The following MAPK8IP2 variants were observed in gnomAD, a reference collection of about 807,000 sequenced individuals.
The protein encoded by MAPK8IP2 is mitogen-activated protein kinase 8 interacting protein 2, also known as C-Jun-amino-terminal kinase-interacting protein 2.
In MAPK8IP2, 15 loss-of-function variants were observed where a neutral mutation model predicts 75.6. The ratio of observed to expected loss-of-function variants is 0.20; its 90% CI spans 0.13 to 0.31. The LOEUF (loss-of-function observed/expected upper bound fraction) is 0.31. Among genes scored for constraint, MAPK8IP2 ranks in the 10% least tolerant of loss-of-function variants. MAPK8IP2 has a pLI of 1.00. For missense variants in MAPK8IP2, 1,089 were observed against 1,211.2 expected, an observed-to-expected ratio of 0.90 and a Z score of 1.50; for synonymous variants, 632 against 554.5, an observed-to-expected ratio of 1.14 and a Z score of -1.96.
chr22:50,604,979 G>C lies in MAPK8IP2; in HGVS notation c.1680G>C (p.Ser560=), dbSNP rs933922163. Reference sequence around the variant, plus strand: ...CGCTGCTAGGCGGCGGTCAGGTCTCGGGGGACACCTCGCCGGACAGCCCTG... The same window carrying C: ...CGCTGCTAGGCGGCGGTCAGGTCTCCGGGGACACCTCGCCGGACAGCCCTG... The part of the protein sequence containing the change: ...GAALLGGGQV[S]GDTSPDSPDL... The change falls in exon 5 of 12, where the codon TCG becomes TCC. Residue 560 remains serine (S), a synonymous_variant. Transcript: ENST00000329492. The C allele has an allele frequency of 2.5e-6, 4 of 1,612,222 alleles. No individual in the cohort carries two copies. The African/African-American group carries it at 5.3e-5, about 22-fold the overall frequency.
At chr22:50,605,245 G>T (rs1017368110) in intron 5 of MAPK8IP2, 123 bp from the exon 6 acceptor site, 1 of 1,137,400 alleles carries the variant, frequency 8.8e-7, no homozygotes, top group Non-Finnish European at 1.3e-6. Flanking sequence ...GCTCCTTCCC[G>T]CTCGTAGGAC....
rs181590967 is a variant in MAPK8IP2 at position 50,606,041 on chromosome 22, C to A, written c.2124+107C>A. On this transcript the variant is annotated intron_variant, in intron 8 of 11. Coordinates refer to ENST00000329492, the MANE Select transcript of MAPK8IP2 (RefSeq NM_012324.6). ...GGCTCCAAGGTCTGAGGTCTGATTT[C>A]CTCCAGGGAGGGTCTGGGGGATGCT... The A allele has an allele frequency of 6.5e-4, 616 of 948,464 alleles. 3 individuals carry two copies. In the African/African-American group the frequency reaches 9.5e-3, roughly 15 times the overall value. 58.8% of individuals were successfully genotyped at this position (948,464 alleles called of 1,614,324 possible).
In MAPK8IP2 at chr22:50,607,863, G is replaced by A. The variant is rs1464431730; in HGVS notation, c.2303+872G>A. 6.6e-6 allele frequency among the ~76,000 whole-genome samples: 1 copy of A among 152,112 alleles called. No individual in the cohort carries two copies. Among genetic ancestry groups the A allele is most frequent in the East Asian group, 1.9e-4 (1 of 5,184 alleles). On this transcript the variant is annotated intron_variant, in intron 10 of 11. Coordinates refer to ENST00000329492, the MANE Select transcript of MAPK8IP2 (RefSeq NM_012324.6). The surrounding 1 kb of genome is among the most constrained non-coding windows in gnomAD (Gnocchi z 5.6). ...GGAATGGCCAGGCAGGGTGAGGGGA[G>A]GAGGGGAGGAGGAGGTGCTGGCATA...
Position 50,603,727 on chromosome 22 carries a change from G to A in MAPK8IP2, c.541+8G>A, listed in dbSNP as rs757817711. 7.0e-6 allele frequency: 11 copies of A among 1,561,388 alleles called. No individual in the cohort carries two copies. The Admixed American group carries it at 1.1e-4, about 16-fold the overall frequency. ...CCCCGGAGGCCCTCAGAGGTGAGGG[G>A]TGGTGGGCCCGCGGGGCGCGGGGAA... On this transcript the variant is annotated splice_region_variant and intron_variant, in intron 4 of 11. Transcript: ENST00000329492.
chr22:50,608,484 G>C (rs1373540356), intron 10 of MAPK8IP2, among the ~76,000 whole-genome samples: 9 of 133,460 alleles, frequency 6.7e-5, no homozygotes, highest in African/African-American at 2.5e-4. Context: ...GGGTGGAGAG[G>C]TGGGACAGCG....
chr22:50,603,659 G>A lies in MAPK8IP2; in HGVS notation c.481G>A (p.Val161Met). Residue 161 changes from valine to methionine, a missense_variant, in exon 4 of 12, where the codon GTG (valine) becomes ATG (methionine). Val to Met is a conservative substitution (Grantham distance 21). Around this residue, in one of 2 missense-constraint regions of MAPK8IP2, gnomAD observed 960 missense variants for 1,009.6 expected, o/e 0.95. Coordinates refer to ENST00000329492, the MANE Select transcript of MAPK8IP2 (RefSeq NM_012324.6). ...AAACAACAACGGAGGCTTTGACCTG[G>A]TGCGTCCGGCCTCCTGGCAGGAGAC... Reference protein sequence around the residue: ...SLNNNGGFDLVRPASWQETAL... With the variant: ...SLNNNGGFDLMRPASWQETAL... 1 of 1,592,902 alleles carries A rather than the reference G, an allele frequency of 6.3e-7. No homozygotes were observed. The highest frequency in any genetic ancestry group is 2.3e-5 in the East Asian group (1 of 43,702).
Position 50,603,378 on chromosome 22 carries a change from G to T in MAPK8IP2, c.327G>T (p.Gln109His). Residue 109 changes from glutamine (Q) to histidine (H), a missense_variant, in exon 3 of 12, where the codon CAG becomes CAT. Around this residue, in one of 2 missense-constraint regions of MAPK8IP2, gnomAD observed 960 missense variants for 1,009.6 expected, o/e 0.95. Coordinates refer to ENST00000329492, the MANE Select transcript of MAPK8IP2 (RefSeq NM_012324.6). ...AGGAGGAGGGAGATGGGGAAGGCCA[G>T]GAGGGAGGAGACCCTGGCTCAGAGG... ...EEEEEGDGEG[Q>H]EGGDPGSEAP... 1 of 1,555,850 alleles carries T rather than the reference G, an allele frequency of 6.4e-7. No individual in the cohort carries two copies. Among genetic ancestry groups the T allele is most frequent in the Non-Finnish European group, 8.7e-7 (1 of 1,152,268 alleles).
chr22:50,612,432 G>A lies in MAPK8IP2; in HGVS notation c.*1653G>A, dbSNP rs553118998. 1.3e-5 allele frequency: 2 copies of A among 152,260 alleles called. No individual in the cohort carries two copies. Among genetic ancestry groups the A allele is most frequent in the South Asian group, 4.1e-4 (2 of 4,828 alleles). 9.4% of individuals were successfully genotyped at this position (152,260 alleles called of 1,614,324 possible). On this transcript the variant is annotated 3_prime_UTR_variant, in exon 12 of 12. Transcript: ENST00000329492. ...AGTTGAAGGTTCCTTAGTGAGCTAA[G>A]GGAAGTATACACAAACTTACTACAT... is the stretch of plus-strand genomic sequence containing the variant.
At chr22:50,602,001 C>G in intron 2 of MAPK8IP2, 107 bp downstream of exon 2, 1 of 849,150 alleles carries the variant, frequency 1.2e-6, no homozygotes, top group Non-Finnish European at 1.9e-6. Context: ...AGCCTTGAAC[C>G]GGGGACTCCT....
rs371965742 is a variant in MAPK8IP2, at chr22:50,608,773, C to T, written c.2304-1439C>T. Among the ~76,000 whole-genome samples the T allele has an allele frequency of 2.2e-3, 285 of 128,334 alleles. 11 individuals are homozygous for T. Among genetic ancestry groups the T allele is most frequent in the African/African-American group, 8.1e-3 (266 of 32,986 alleles). The allele number at this position is 128,334 out of a possible 152,430, so 84.2% of individuals were successfully genotyped here. A position where few individuals can be genotyped will look rare whatever the true frequency, so the allele number is the denominator to read the frequency against. ...GCTCTGGGGTCACCGGGACAGCGGA[C>T]GGGGCGCAGACCAGACGGTGGGGCC... On this transcript the variant is annotated intron_variant, in intron 10 of 11. Coordinates refer to ENST00000329492, the MANE Select transcript of MAPK8IP2 (RefSeq NM_012324.6).
rs9616795 is a variant in MAPK8IP2, at chr22:50,604,433, C to G, written c.1134C>G (p.Arg378=). 0.036 allele frequency: 52,139 copies of G among 1,441,730 alleles called. 1,095 individuals are homozygous for G. The highest frequency in any genetic ancestry group is 0.039 in the Non-Finnish European group (43,304 of 1,100,048). The allele number at this position is 1,441,730 out of a possible 1,614,324, so 89.3% of individuals were successfully genotyped here. A position where few individuals can be genotyped will look rare whatever the true frequency, so the allele number is the denominator to read the frequency against. Residue 378 remains arginine, a synonymous_variant, in exon 5 of 12, where the codon CGC becomes CGG. Coordinates refer to ENST00000329492, the MANE Select transcript of MAPK8IP2 (RefSeq NM_012324.6). ...GCCAGTGCCTGTCTCCTGCGCCGCGCCCGCCCGGGGAGCCCGTGTCGCCGG... is the reference window on the plus strand; with the variant it reads ...GCCAGTGCCTGTCTCCTGCGCCGCGGCCGCCCGGGGAGCCCGTGTCGCCGG... ...CPGQCLSPAP[R]PPGEPVSPAG...
intron 10 of MAPK8IP2, among the ~76,000 whole-genome samples, chr22:50,609,244 A>G (rs2071105029): frequency 6.6e-6 from 1 of 152,134 alleles, no homozygotes; most frequent in Non-Finnish European, 1.5e-5. Context: ...TGTTGGGATC[A>G]CAGACTGTAG....
intron 1 of MAPK8IP2, 62 bp downstream of exon 1, chr22:50,600,945 G>A (rs2070925269): frequency 3.8e-6 from 2 of 521,668 alleles, no homozygotes; most frequent in African/African-American, 3.8e-5. Flanking sequence ...CCCCGACCCC[G>A]ACCCGGCCCG....
At position 50,612,193 on chromosome 22, in the gene MAPK8IP2, A is replaced by G. The variant is rs1451691772; in HGVS notation, c.*1414A>G. 1 of 152,118 alleles carries G rather than the reference A, an allele frequency of 6.6e-6. No individual in the cohort carries two copies. 9.4% of individuals were successfully genotyped at this position (152,118 alleles called of 1,614,324 possible). A position where few individuals can be genotyped will look rare whatever the true frequency, so the allele number is the denominator to read the frequency against. ...TCTCAGAAAAAGGAAAAGAAAAACAATCTACTTAGATCTTAAAATGGATAT... is the reference window on the plus strand; with the variant it reads ...TCTCAGAAAAAGGAAAAGAAAAACAGTCTACTTAGATCTTAAAATGGATAT... On this transcript the variant is annotated 3_prime_UTR_variant, in exon 12 of 12. Transcript: ENST00000329492.
chr22:50,600,861 T>C lies in MAPK8IP2; in HGVS notation c.43T>C (p.Ser15Pro). ...AEMFSLSTFH[S>P]LSPPGCRPPQ... ...GATGTTTTCTCTCTCCACCTTCCACTCGCTGTCGCCGCCGGGCTGCAGGTA... is the reference window on the plus strand; with the variant it reads ...GATGTTTTCTCTCTCCACCTTCCACCCGCTGTCGCCGCCGGGCTGCAGGTA... Residue 15 changes from serine to proline, a missense_variant, in exon 1 of 12, where the codon TCG (serine) becomes CCG (proline). Physicochemically the swap from Ser to Pro is moderately conservative, Grantham distance 74. Transcript: ENST00000329492. The C allele has an allele frequency of 7.7e-7, 1 of 1,296,010 alleles. No homozygotes were observed. The highest frequency in any genetic ancestry group is 1.0e-6 in the Non-Finnish European group (1 of 995,392). 80.3% of individuals were successfully genotyped at this position (1,296,010 alleles called of 1,614,324 possible).
In MAPK8IP2 at chr22:50,610,982, C is replaced by T. The variant is rs1407745068; in HGVS notation, c.*203C>T. 1.8e-6 allele frequency: 1 copy of T among 551,418 alleles called. No individual in the cohort carries two copies. Among genetic ancestry groups the T allele is most frequent in the Admixed American group, 3.2e-5 (1 of 30,812 alleles). 34.2% of individuals were successfully genotyped at this position (551,418 alleles called of 1,614,324 possible). Reference sequence around the variant, plus strand: ...GCTGCGGGGGAGTGGAGCCCCCGTGCCCCTGCTTTTCCTCAGATCCGTTCT... The same window carrying T: ...GCTGCGGGGGAGTGGAGCCCCCGTGTCCCTGCTTTTCCTCAGATCCGTTCT... On this transcript the variant is annotated 3_prime_UTR_variant, in exon 12 of 12. Transcript: ENST00000329492. The surrounding 1 kb of genome is among the most constrained non-coding windows in gnomAD (Gnocchi z 4.3).
rs771360359 is a variant in MAPK8IP2 at position 50,603,557 on chromosome 22, G to A, written c.447+59G>A. On this transcript the variant is annotated intron_variant, in intron 3 of 11. Coordinates refer to ENST00000329492, the MANE Select transcript of MAPK8IP2 (RefSeq NM_012324.6). ...AGCCTGGGTTCATAGCACCTGGGCT[G>A]CAGCCAGCCCTGCTCACCCCCTGGG... 2.9e-5 allele frequency: 46 copies of A among 1,577,292 alleles called. 2 individuals carry two copies. In the South Asian group the frequency reaches 5.3e-4, roughly 18 times the overall value.
chr22:50,605,575 C>T lies in MAPK8IP2; in HGVS notation c.1855C>T (p.His619Tyr). 6.3e-7 allele frequency: 1 copy of T among 1,583,998 alleles called. No individual in the cohort carries two copies. Among genetic ancestry groups the T allele is most frequent in the Non-Finnish European group, 8.6e-7 (1 of 1,164,296 alleles). Reference protein sequence around the residue: ...HRAVFRFIPRHPDELELDVDD... With the variant: ...HRAVFRFIPRYPDELELDVDD... ...CCCCAACGGCAGGTTCATCCCGCGG[C>T]ATCCAGACGAGCTGGAGCTGGATGT... The change falls in exon 7 of 12, where the codon CAT becomes TAT. Residue 619 changes from histidine to tyrosine, a missense_variant. His to Tyr is a moderately conservative substitution (Grantham distance 83, BLOSUM62 2). Coordinates refer to ENST00000329492, the MANE Select transcript of MAPK8IP2 (RefSeq NM_012324.6).
chr22:50,602,841 G>A (rs1029581960), intron 2 of MAPK8IP2, among the ~76,000 whole-genome samples: 2 of 152,222 alleles, frequency 1.3e-5, no homozygotes, highest in African/African-American at 4.8e-5. Context: ...ACATGGACAT[G>A]ACCCTGCCCT....
Sources: allele counts gnomAD v4.1 joint callset (sites outside exome capture counted in the v4.1 genomes callset), GRCh38; gene constraint gnomAD v4.1.1; regional missense constraint gnomAD v4.1.1; non-coding constraint Gnocchi (gnomAD v3.1); transcripts MANE v1.5; gene names NCBI Gene and HGNC (gene_info 2026-07-23, HGNC 2026-07-21).